Variants in CHIC1 observed in about 807,000 individuals in gnomAD.
CHIC1 encodes cysteine rich hydrophobic domain 1, also known as cysteine-rich hydrophobic domain-containing protein 1.
A neutral mutation model predicts 18.5 loss-of-function variants in CHIC1; 7 were observed. The ratio of observed to expected loss-of-function variants is 0.38; its 90% CI spans 0.22 to 0.71. The LOEUF (loss-of-function observed/expected upper bound fraction) is 0.71, where lower values mean the gene tolerates loss of function less well. Among genes scored for constraint, CHIC1 ranks in the 30% least tolerant of loss-of-function variants. The pLI, the probability that CHIC1 is intolerant of heterozygous loss-of-function variation, is 0.49. For missense variants in CHIC1, 159 were observed against 176.9 expected (o/e 0.90, Z 0.57); for synonymous variants, 77 against 73.5 (o/e 1.05, Z -0.25).
At chrX:73,675,673 G>T (rs749015908) in intron 3 of CHIC1, among the ~76,000 whole-genome samples, 5 of 111,558 alleles carry the variant, frequency 4.5e-5, no homozygotes, top group Non-Finnish European at 5.6e-5. Flanking sequence ...GACGAGTCTT[G>T]ACTCTTTATC....
intron 3 of CHIC1, among the ~76,000 whole-genome samples, chrX:73,667,361 G>A (rs1189846449): frequency 9.0e-6 from 1 of 111,502 alleles, no homozygotes; most frequent in Admixed American, 9.5e-5. Context: ...TAAGGTTAGT[G>A]TTATTATGTA....
rs1303117392 is a variant in CHIC1 at position 73,685,931 on chromosome X, AGAT to A, written c.*4930_*4932del. ...TAAATCAGTGATTCCCAACTTCAGC[AGAT>A]GATAGCAGTGGAGGGTATCCTTGAG... On this transcript the variant is annotated 3_prime_UTR_variant, in exon 6 of 6. Coordinates refer to ENST00000373502, the MANE Select transcript of CHIC1 (RefSeq NM_001039840.4). The A allele has an allele frequency of 4.5e-5, 5 of 111,255 alleles. No homozygotes were observed. Among genetic ancestry groups the A allele is most frequent in the Non-Finnish European group, 9.5e-5 (5 of 52,876 alleles). 9.2% of individuals were successfully genotyped at this position (111,255 alleles called of 1,213,427 possible). A position where few individuals can be genotyped will look rare whatever the true frequency, so the allele number is the denominator to read the frequency against.
At chrX:73,638,369 C>T (rs148207172) in intron 3 of CHIC1, among the ~76,000 whole-genome samples, 2 of 111,218 alleles carry the variant, frequency 1.8e-5, no homozygotes, top group East Asian at 5.7e-4. Context: ...TTGGAAATAA[C>T]GTCTGCTCTT....
intron 3 of CHIC1, among the ~76,000 whole-genome samples, chrX:73,585,206 AAAT>A (rs1488424478): frequency 1.8e-5 from 2 of 111,917 alleles, no homozygotes; most frequent in African/African-American, 6.5e-5. Flanking sequence ...TTAAACTTTT[AAAT>A]AATAAGTAGC....
intron 3 of CHIC1, among the ~76,000 whole-genome samples, chrX:73,668,627 C>T (rs181801517): frequency 3.9e-4 from 43 of 111,221 alleles, no homozygotes; most frequent in African/African-American, 1.3e-3. Flanking sequence ...GCTGGGGGTC[C>T]GCTCTAGACC....
At chrX:73,612,425 G>T (rs993112626) in intron 3 of CHIC1, among the ~76,000 whole-genome samples, 86 of 111,156 alleles carry the variant, frequency 7.7e-4, no homozygotes, top group African/African-American at 2.7e-3. Context: ...TCTATTTTTT[G>T]TTGTTGTTGT....
intron 3 of CHIC1, among the ~76,000 whole-genome samples, chrX:73,603,634 G>T (rs1167040088): frequency 1.8e-5 from 2 of 108,350 alleles, no homozygotes; most frequent in Non-Finnish European, 3.8e-5. Flanking sequence ...ATCTGCTGTG[G>T]GTTTGTCATA....
intron 1 of CHIC1, among the ~76,000 whole-genome samples, chrX:73,567,707 A>C (rs978739036): frequency 4.5e-5 from 5 of 110,834 alleles, no homozygotes; most frequent in East Asian, 2.8e-4. Context: ...ACTAAGCTCC[A>C]TAACAGAGCA....
chrX:73,596,966 G>A lies in CHIC1; in HGVS notation c.507+12394G>A, dbSNP rs756914552. On this transcript the variant is annotated intron_variant, in intron 3 of 5. Transcript: ENST00000373502. ...GCAATACCATTCAGGACATAGGCAT[G>A]GACAAAGACTTCATGACCAAAATAC... 1.4e-3 allele frequency among the ~76,000 whole-genome samples: 157 copies of A among 111,866 alleles called. 1 individual carries two copies. The highest frequency in any genetic ancestry group is 5.6e-3 in the South Asian group (15 of 2,690).
intron 3 of CHIC1, among the ~76,000 whole-genome samples, chrX:73,677,532 C>G (rs2058073047): frequency 8.9e-6 from 1 of 112,317 alleles, no homozygotes; most frequent in African/African-American, 3.2e-5. Flanking sequence ...CTAGGACCCT[C>G]CGAGCCAGGT....
chrX:73,655,490 T>G (rs866696522), intron 3 of CHIC1, among the ~76,000 whole-genome samples: 2 of 66,999 alleles, frequency 3.0e-5, no homozygotes, highest in Admixed American at 3.2e-4. Flanking sequence ...ATACACAATA[T>G]TGTGTATATA....
intron 3 of CHIC1, among the ~76,000 whole-genome samples, chrX:73,661,737 A>G (rs1305290409): frequency 3.6e-5 from 4 of 111,678 alleles, no homozygotes; most frequent in Non-Finnish European, 7.5e-5. Flanking sequence ...CACTAACAAT[A>G]TTGATGGGCT....
intron 3 of CHIC1, among the ~76,000 whole-genome samples, chrX:73,592,513 AT>A (rs1268126142): frequency 9.0e-6 from 1 of 111,712 alleles, no homozygotes; most frequent in Non-Finnish European, 1.9e-5. Flanking sequence ...ACATTTATTG[AT>A]TCGCATATGT....
intron 3 of CHIC1, among the ~76,000 whole-genome samples, chrX:73,654,408 T>C (rs2057932016): frequency 8.9e-6 from 1 of 112,277 alleles, no homozygotes; most frequent in South Asian, 3.7e-4. Context: ...TATTTATCTT[T>C]TTAATGTGTT....
At chrX:73,574,216 T>A (rs1181324157) in intron 1 of CHIC1, among the ~76,000 whole-genome samples, 1 of 111,026 alleles carries the variant, frequency 9.0e-6, no homozygotes, top group Non-Finnish European at 1.9e-5. Flanking sequence ...CCTGTTTATG[T>A]GGTAAATTAC....
rs750218753 is a variant in CHIC1, at chrX:73,575,773, A to C, written c.297-1634A>C. Among the ~76,000 whole-genome samples the C allele has an allele frequency of 5.9e-4, 65 of 109,987 alleles. 1 individual carries two copies. The highest frequency in any genetic ancestry group is 2.1e-3 in the African/African-American group (65 of 30,585). ...TAGAATTTGTAAATACCATATACTT[A>C]GGCTACAATAAATTTATTTTCAAAT... On this transcript the variant is annotated intron_variant, in intron 1 of 5. Transcript: ENST00000373502.
At chrX:73,662,623 T>G (rs2057986432) in intron 3 of CHIC1, among the ~76,000 whole-genome samples, 1 of 108,452 alleles carries the variant, frequency 9.2e-6, no homozygotes, top group Non-Finnish European at 1.9e-5. Flanking sequence ...AGTCAGTTAA[T>G]ATCGCCTAGT....
intron 2 of CHIC1, 143 bp from the exon 3 acceptor site, chrX:73,584,274 A>G: frequency 2.3e-6 from 1 of 440,314 alleles, no homozygotes; most frequent in Non-Finnish European, 3.7e-6. Flanking sequence ...GTCATCCTAG[A>G]GTGCGTGAAC....
intron 3 of CHIC1, among the ~76,000 whole-genome samples, chrX:73,651,097 ATC>A (rs2057914134): frequency 8.9e-6 from 1 of 112,200 alleles, no homozygotes; most frequent in Non-Finnish European, 1.9e-5. Flanking sequence ...CCACATGATT[ATC>A]TCAATAGATG....
Sources: allele counts gnomAD v4.1 joint callset (sites outside exome capture counted in the v4.1 genomes callset), GRCh38; gene constraint gnomAD v4.1.1; transcripts MANE v1.5; gene names NCBI Gene and HGNC (gene_info 2026-07-23, HGNC 2026-07-21).